The following TUSC3 variants were observed in gnomAD, a reference collection of about 807,000 sequenced individuals.
TUSC3 encodes tumor suppressor candidate 3, also known as dolichyl-diphosphooligosaccharide--protein glycosyltransferase subunit TUSC3.
In TUSC3, 45 loss-of-function variants were observed where a neutral mutation model predicts 44.8. That is an observed-to-expected ratio of 1.00 (90% CI 0.79 to 1.29). The LOEUF is 1.29. TUSC3 is among the 50% of genes most tolerant of loss of function. The probability of loss-of-function intolerance (pLI) is 0.00; values close to 1 mark genes in which losing one functional copy is unlikely to be tolerated. For missense variants in TUSC3, 519 were observed against 437.9 expected (o/e 1.19, Z -1.65); for synonymous variants, 212 against 152.9 (o/e 1.39, Z -2.85).
chr8:15,743,426 ACCTCTGTGTGCATTTG>A, intron 7 of TUSC3, 96 bp from the exon 8 acceptor site: 1 of 1,040,048 alleles, frequency 9.6e-7, no homozygotes, highest in East Asian at 2.4e-5. Context: ...GATTGTATTT[ACCTCTGTGTGCATTTG>A]TAGTTTAACC....
At chr8:15,628,925 C>A (rs550692236) in intron 2 of TUSC3, among the ~76,000 whole-genome samples, 1 of 152,052 alleles carries the variant, frequency 6.6e-6, no homozygotes, top group Non-Finnish European at 1.5e-5. Flanking sequence ...GCTATGGTTG[C>A]AAAGTTGGAT....
At chr8:15,483,294 A>T (rs1229726901) in intron 1 of TUSC3, 1 of 188,990 alleles carries the variant, frequency 5.3e-6, no homozygotes, top group Non-Finnish European at 1.1e-5. Flanking sequence ...CTCTAAGATG[A>T]AGAATAAAGA....
At chr8:15,753,753 A>G (rs1811806262) in intron 9 of TUSC3, among the ~76,000 whole-genome samples, 1 of 152,062 alleles carries the variant, frequency 6.6e-6, no homozygotes, top group Non-Finnish European at 1.5e-5. Context: ...TGACTAAAAG[A>G]CTGCAGAGAT....
chr8:15,762,760 G>C (rs1812210999), intron 10 of TUSC3, among the ~76,000 whole-genome samples: 2 of 152,022 alleles, frequency 1.3e-5, no homozygotes, highest in Admixed American at 1.3e-4. Flanking sequence ...TGTGCTAGCA[G>C]GATGAACGCT....
chr8:15,524,135 C>G (rs899723481), intron 2 of TUSC3, among the ~76,000 whole-genome samples: 7 of 151,510 alleles, frequency 4.6e-5, no homozygotes, highest in African/African-American at 1.5e-4. Context: ...TAAACTAGCC[C>G]ACAATCCTAA....
chr8:15,673,010 C>T (rs1445847984), intron 5 of TUSC3, among the ~76,000 whole-genome samples: 1 of 151,986 alleles, frequency 6.6e-6, no homozygotes, highest in South Asian at 2.1e-4. Context: ...AGTCCCAGTT[C>T]ATTAACTTTA....
At chr8:15,508,100 G>T (rs1339854131) in intron 2 of TUSC3, among the ~76,000 whole-genome samples, 12 of 152,062 alleles carry the variant, frequency 7.9e-5, no homozygotes, top group Non-Finnish European at 1.5e-5. Flanking sequence ...AATTAGCCAG[G>T]TGTGGTGGTG....
intron 1 of TUSC3, among the ~76,000 whole-genome samples, chr8:15,590,822 C>G (rs928776144): frequency 6.6e-6 from 1 of 151,798 alleles, no homozygotes; most frequent in South Asian, 2.1e-4. Context: ...CAGGTGCACA[C>G]CACTGTGCCT....
chr8:15,514,910 T>C (rs1051918274), intron 2 of TUSC3, among the ~76,000 whole-genome samples: 1 of 152,194 alleles, frequency 6.6e-6, no homozygotes, highest in Non-Finnish European at 1.5e-5. Flanking sequence ...ATTTTATAGT[T>C]GTGGTTAAGA....
At chr8:15,521,187 G>T (rs1009745681) in intron 2 of TUSC3, among the ~76,000 whole-genome samples, 1 of 152,166 alleles carries the variant, frequency 6.6e-6, no homozygotes, top group Non-Finnish European at 1.5e-5. Flanking sequence ...TGCCGTTTAT[G>T]TATAATGGAA....
At chr8:15,608,001 A>C (rs897261903) in intron 1 of TUSC3, among the ~76,000 whole-genome samples, 2 of 152,200 alleles carry the variant, frequency 1.3e-5, no homozygotes, top group African/African-American at 4.8e-5. Flanking sequence ...CAGCAAGTGC[A>C]GTTTGGGGTT....
intron 3 of TUSC3, among the ~76,000 whole-genome samples, chr8:15,656,938 CACTTGAGCCT>C (rs1807200125): frequency 1.3e-5 from 2 of 152,190 alleles, no homozygotes; most frequent in Non-Finnish European, 2.9e-5. Context: ...GGTTGAGCAA[CACTTGAGCCT>C]ACTTGATCCT....
At position 15,757,973 on chromosome 8, in the gene TUSC3, C is replaced by CT. The variant is rs1372788375; in HGVS notation, c.*46+122dup. 7.2e-5 allele frequency: 108 copies of CT among 1,493,896 alleles called. No individual in the cohort carries two copies. The South Asian group carries it at 1.2e-3, about 17-fold the overall frequency. 92.5% of individuals were successfully genotyped at this position (1,493,896 alleles called of 1,614,324 possible). A position where few individuals can be genotyped will look rare whatever the true frequency, so the allele number is the denominator to read the frequency against. On this transcript the variant is annotated intron_variant, in intron 10 of 10. Transcript: ENST00000503731. ...TTACTGTTTTACAAATGTAAGATAA[C>CT]TTTTAACTGTGAGATTCCATATTCC...
chr8:15,588,162 A>G (rs965641396), intron 1 of TUSC3, among the ~76,000 whole-genome samples: 4 of 152,070 alleles, frequency 2.6e-5, no homozygotes, highest in African/African-American at 9.7e-5. Context: ...AATGGGGGTA[A>G]TAATTTACAT....
intron 1 of TUSC3, among the ~76,000 whole-genome samples, chr8:15,436,938 C>T (rs1254508326): frequency 1.3e-5 from 2 of 152,100 alleles, no homozygotes; most frequent in Non-Finnish European, 2.9e-5. Context: ...TCAATCTTTT[C>T]CTATTAAGCA....
chr8:15,581,910 C>T (rs1402831945), intron 1 of TUSC3, among the ~76,000 whole-genome samples: 11 of 143,832 alleles, frequency 7.6e-5, no homozygotes, highest in South Asian at 2.2e-4. Flanking sequence ...CCCCCAGCCT[C>T]GCTGCCGCCT....
At chr8:15,750,985 G>A (rs1811674885) in intron 9 of TUSC3, among the ~76,000 whole-genome samples, 1 of 152,202 alleles carries the variant, frequency 6.6e-6, no homozygotes, top group Admixed American at 6.5e-5. Flanking sequence ...TATCAAAGAA[G>A]CTTGGGACAC....
intron 1 of TUSC3, among the ~76,000 whole-genome samples, chr8:15,439,448 T>C (rs1799993189): frequency 6.6e-6 from 1 of 152,176 alleles, no homozygotes; most frequent in African/African-American, 2.4e-5. Context: ...TTCCAGCTAC[T>C]CAGGAGGCTG....
chr8:15,810,257 G>A, the TUSC3 span, among the ~76,000 whole-genome samples: 170 of 152,190 alleles, frequency 1.1e-3, no homozygotes, highest in African/African-American at 4.0e-3. Context: ...GCCCTTTGTA[G>A]CTAAAGAACC....
Sources: allele counts gnomAD v4.1 joint callset (sites outside exome capture counted in the v4.1 genomes callset), GRCh38; gene constraint gnomAD v4.1.1; transcripts MANE v1.5; gene names NCBI Gene and HGNC (gene_info 2026-07-23, HGNC 2026-07-21).